TAF2: variants seen among roughly 807,000 people sequenced by gnomAD.
TAF2 encodes the protein TATA-box binding protein associated factor 2, also known as transcription initiation factor TFIID subunit 2.
A neutral mutation model predicts 138.5 loss-of-function variants in TAF2; 61 were observed. The observed-to-expected ratio is 0.44, with a 90% confidence interval of 0.36 to 0.54. TAF2 has a LOEUF of 0.54. Ranked by LOEUF, TAF2 falls within the 20% of genes least tolerant of loss-of-function variation. The pLI is 0.00. For synonymous variants in TAF2, 475 were observed against 469.9 expected, an observed-to-expected ratio of 1.01 and a Z score of -0.14; for missense variants, 1,090 against 1,427.9, an observed-to-expected ratio of 0.76 and a Z score of 3.81.
chr8:119,766,258 C>T (rs1821411389), intron 18 of TAF2, among the ~76,000 whole-genome samples: 1 of 152,106 alleles, frequency 6.6e-6, no homozygotes, highest in South Asian at 2.1e-4. Context: ...CTGGCAATGT[C>T]TAGAGAGATT....
At chr8:119,816,232 T>C (rs1825466714) in intron 3 of TAF2, among the ~76,000 whole-genome samples, 1 of 151,702 alleles carries the variant, frequency 6.6e-6, no homozygotes, top group South Asian at 2.1e-4. Context: ...TTGTATTTTT[T>C]TTTTTTAGTA....
chr8:119,804,590 G>A (rs977592858), intron 4 of TAF2, among the ~76,000 whole-genome samples: 3 of 152,168 alleles, frequency 2.0e-5, no homozygotes, highest in Admixed American at 6.5e-5. Context: ...CTTTTTGCTG[G>A]CAGCCATCTG....
chr8:119,798,009 T>C (rs946585039), intron 6 of TAF2, among the ~76,000 whole-genome samples, 163 bp from the exon 7 acceptor site: 4 of 152,286 alleles, frequency 2.6e-5, no homozygotes, highest in Admixed American at 2.0e-4. Flanking sequence ...TCACTTTTAC[T>C]GATCACATTT....
intron 25 of TAF2, among the ~76,000 whole-genome samples, chr8:119,736,464 T>C (rs1587639028): frequency 6.6e-6 from 1 of 152,292 alleles, no homozygotes; most frequent in Non-Finnish European, 1.5e-5. Flanking sequence ...ATGGAACAAA[T>C]TGAATACTGA....
chr8:119,780,987 T>C (rs892277936), intron 17 of TAF2, 66 bp downstream of exon 17: 39 of 1,488,496 alleles, frequency 2.6e-5, no homozygotes, highest in South Asian at 1.2e-4. Flanking sequence ...CATCTATTAT[T>C]TGAACAGTCT....
chr8:119,786,292 CAT>C (rs1163106062), intron 14 of TAF2, among the ~76,000 whole-genome samples: 2 of 152,060 alleles, frequency 1.3e-5, no homozygotes, highest in Admixed American at 1.3e-4. Context: ...GAAAAAAAGA[CAT>C]AGTAAGCAAG....
intron 19 of TAF2, among the ~76,000 whole-genome samples, chr8:119,761,031 G>A (rs1821030425): frequency 1.3e-5 from 2 of 152,124 alleles, no homozygotes; most frequent in Admixed American, 6.6e-5. Flanking sequence ...CTACTGTAGT[G>A]TACAATAATA....
intron 11 of TAF2, 116 bp downstream of exon 11, chr8:119,791,208 G>A (rs1823405545): frequency 5.6e-6 from 7 of 1,240,150 alleles, no homozygotes. Context: ...GTTACTTAGT[G>A]GGCAAACAAA....
At chr8:119,792,086 G>A (rs1379699533) in intron 10 of TAF2, among the ~76,000 whole-genome samples, 1 of 151,282 alleles carries the variant, frequency 6.6e-6, no homozygotes, top group Admixed American at 6.6e-5. Flanking sequence ...GCTATGGTGA[G>A]TATCTTTTTA....
chr8:119,801,981 CA>C lies in TAF2; in HGVS notation c.604del (p.Trp202GlyfsTer3), dbSNP rs753165023. On this transcript the variant is annotated frameshift_variant, in exon 6 of 26. Coordinates refer to ENST00000378164, the MANE Select transcript of TAF2 (RefSeq NM_003184.4). LOFTEE classifies it high-confidence loss of function. Reference protein sequence around the residue: ...CVDSYSELCTWKLEFTVDAAM... With the variant: ...CVDSYSELCTXKLEFTVDAAM... ...AGCATCTACTGTAAATTCTAATTTC[CA>C]TGTACACAATTCAGAGTATGAATCA... 6.2e-7 allele frequency: 1 copy of C among 1,614,026 alleles called. No individual in the cohort carries two copies. Among genetic ancestry groups the C allele is most frequent in the Admixed American group, 1.7e-5 (1 of 59,994 alleles).
chr8:119,809,755 A>G (rs556509151), intron 3 of TAF2, among the ~76,000 whole-genome samples: 96 of 152,318 alleles, frequency 6.3e-4, no homozygotes, highest in African/African-American at 2.1e-3. Flanking sequence ...AACACACACA[A>G]TGTTTATCAT....
intron 25 of TAF2, among the ~76,000 whole-genome samples, chr8:119,741,899 A>C (rs1431249361): frequency 6.6e-6 from 1 of 152,228 alleles, no homozygotes; most frequent in Non-Finnish European, 1.5e-5. Flanking sequence ...AAATGTTTGC[A>C]CTTCATTTGG....
chr8:119,744,195 A>G, intron 24 of TAF2, 93 bp downstream of exon 24: 1 of 1,164,310 alleles, frequency 8.6e-7, no homozygotes, highest in Non-Finnish European at 1.3e-6. Context: ...TAAACTGTAT[A>G]GTTGTTCATT....
At chr8:119,744,775 G>T in intron 23 of TAF2, 1 of 394,680 alleles carries the variant, frequency 2.5e-6, no homozygotes, top group Admixed American at 3.0e-5. Flanking sequence ...AATGCAGTCT[G>T]TTGCGTGTGT....
intron 17 of TAF2, among the ~76,000 whole-genome samples, chr8:119,779,325 C>T (rs1458808897): frequency 2.7e-5 from 4 of 150,528 alleles, no homozygotes; most frequent in Non-Finnish European, 5.9e-5. Flanking sequence ...CCCCAAATGC[C>T]TTATATTGAA....
In TAF2 at chr8:119,783,568, A is replaced by G; in HGVS notation, c.1925T>C (p.Phe642Ser). 6.2e-7 allele frequency: 1 copy of G among 1,614,186 alleles called. No individual in the cohort carries two copies. The highest frequency in any genetic ancestry group is 1.1e-5 in the South Asian group (1 of 91,082). The change falls in exon 16 of 26, where the codon TTT becomes TCT. Residue 642 changes from phenylalanine to serine, a missense_variant. By Grantham distance (155) the Phe-to-Ser change is radical. This residue lies in a region of TAF2 where 580 missense variants were observed against 719.6 expected (regional missense o/e 0.81). Coordinates refer to ENST00000378164, the MANE Select transcript of TAF2 (RefSeq NM_003184.4). ...PDMSVLRKVE[F>S]EQADFMWQYQ... ...CTGCCACATAAAATCAGCTTGCTCA[A>G]ATTCTACCTTCCTCAATACTGACAT...
At chr8:119,736,042 C>T (rs1819202988) in intron 25 of TAF2, among the ~76,000 whole-genome samples, 1 of 152,202 alleles carries the variant, frequency 6.6e-6, no homozygotes. Flanking sequence ...ATCCTTTAAT[C>T]CTAAACACCT....
Position 119,760,749 on chromosome 8 carries a change from A to C in TAF2, c.2559-11T>G. 6.2e-7 allele frequency: 1 copy of C among 1,613,770 alleles called. No individual in the cohort carries two copies. The highest frequency in any genetic ancestry group is 8.5e-7 in the Non-Finnish European group (1 of 1,179,868). ...ATGGCTCTCAAACAACTAGGGAAAAAAATACGTATGTTAACTACTTTCACT... is the reference window on the plus strand; with the variant it reads ...ATGGCTCTCAAACAACTAGGGAAAACAATACGTATGTTAACTACTTTCACT... On this transcript the variant is annotated splice_polypyrimidine_tract_variant and intron_variant, in intron 19 of 25. Coordinates refer to ENST00000378164, the MANE Select transcript of TAF2 (RefSeq NM_003184.4).
chr8:119,750,591 G>C (rs559909013), intron 22 of TAF2, among the ~76,000 whole-genome samples: 6 of 151,932 alleles, frequency 3.9e-5, no homozygotes, highest in African/African-American at 1.5e-4. Flanking sequence ...GTGTGTGTGT[G>C]TATATATATA....
Sources: allele counts gnomAD v4.1 joint callset (sites outside exome capture counted in the v4.1 genomes callset), GRCh38; gene constraint gnomAD v4.1.1; regional missense constraint gnomAD v4.1.1; transcripts MANE v1.5; gene names NCBI Gene and HGNC (gene_info 2026-07-23, HGNC 2026-07-21).